WDR59: variants seen among roughly 807,000 people sequenced by gnomAD.
WDR59 encodes GATOR2 complex protein WDR59.
Under a neutral mutation model 131.2 loss-of-function variants are expected in WDR59, and 100 were observed. That is an observed-to-expected ratio of 0.76 (90% CI 0.65 to 0.90). WDR59 has a LOEUF of 0.90. Ranked by LOEUF, WDR59 falls within the 40% of genes least tolerant of loss-of-function variation. The pLI is 0.00. For synonymous variants in WDR59, 601 were observed against 466.2 expected (o/e 1.29, Z -3.72); for missense variants, 1,203 against 1,262.2 (o/e 0.95, Z 0.71).
At chr16:74,925,302 AAGGC>A (rs1289947941) in intron 8 of WDR59, among the ~76,000 whole-genome samples, 2 of 152,106 alleles carry the variant, frequency 1.3e-5, no homozygotes, top group Non-Finnish European at 2.9e-5. Context: ...TTGGGAGGCC[AAGGC>A]AGGCAGGCAG....
chr16:74,926,301 G>A (rs1018169833), intron 8 of WDR59, among the ~76,000 whole-genome samples: 20 of 152,018 alleles, frequency 1.3e-4, no homozygotes, highest in African/African-American at 4.6e-4. Flanking sequence ...CAGGTGATCT[G>A]CCCACCTCGG....
At position 74,872,534 on chromosome 16, in the gene WDR59, T is replaced by A. The variant is rs189728586; in HGVS notation, c.*1675A>T. On this transcript the variant is annotated 3_prime_UTR_variant, in exon 26 of 26. Coordinates refer to ENST00000262144, the MANE Select transcript of WDR59 (RefSeq NM_030581.4). The stretch of plus-strand genomic sequence containing the variant: ...ATGATTGCATCACCACTCTCCAGTC[T>A]GGGTGACAGAGTGAGACCCTGTCTC... The A allele has an allele frequency of 7.4e-5, 11 of 148,216 alleles. No homozygotes were observed. Among genetic ancestry groups the A allele is most frequent in the Admixed American group, 6.1e-4 (9 of 14,706 alleles). 9.2% of individuals were successfully genotyped at this position (148,216 alleles called of 1,614,324 possible). A position where few individuals can be genotyped will look rare whatever the true frequency, so the allele number is the denominator to read the frequency against.
intron 2 of WDR59, among the ~76,000 whole-genome samples, chr16:74,965,165 A>G (rs1377806958): frequency 2.0e-5 from 3 of 152,156 alleles, no homozygotes; most frequent in African/African-American, 7.2e-5. Context: ...TCAGCTTCGC[A>G]AGTAGCTGGG....
intron 18 of WDR59, among the ~76,000 whole-genome samples, chr16:74,901,056 C>T (rs11863300): frequency 0.21 from 32,441 of 152,196 alleles, 3,817 homozygotes; most frequent in Middle Eastern, 0.27. Context: ...AGAGACCGCG[C>T]CTTTGCACTC....
In WDR59 at chr16:74,874,221, T is replaced by A; in HGVS notation, c.2913A>T (p.Glu971Asp). 6.2e-7 allele frequency: 1 copy of A among 1,613,878 alleles called. No individual in the cohort carries two copies. The highest frequency in any genetic ancestry group is 2.2e-5 in the East Asian group (1 of 44,860). The change falls in exon 26 of 26, where the codon GAA (glutamate) becomes GAT (aspartate). Residue 971 changes from glutamate to aspartate, a missense_variant. By Grantham distance (45) the Glu-to-Asp change is conservative. Coordinates refer to ENST00000262144, the MANE Select transcript of WDR59 (RefSeq NM_030581.4). Reference sequence around the variant, plus strand: ...AACTTCTGTAGGTTCAGAAAGTGCTTTCAAGCAGGCAGTGGCACCCACACC... The same window carrying A: ...AACTTCTGTAGGTTCAGAAAGTGCTATCAAGCAGGCAGTGGCACCCACACC... ...PTGCGCHCLL[E>D]STF is the part of the protein sequence containing the mutation.
intron 8 of WDR59, among the ~76,000 whole-genome samples, chr16:74,935,295 G>A (rs754791223): frequency 8.6e-5 from 13 of 152,008 alleles, no homozygotes; most frequent in Middle Eastern, 6.8e-3. Flanking sequence ...CTAGAAGGCA[G>A]CAATTTTGTG....
At chr16:74,981,650 A>AT (rs1567450909) in intron 1 of WDR59, among the ~76,000 whole-genome samples, 2 of 4,914 alleles carry the variant, frequency 4.1e-4, no homozygotes, top group African/African-American at 6.1e-4. Flanking sequence ...ATATATATAT[A>AT]TATATATATA....
chr16:74,950,523 G>T (rs1465497603), intron 4 of WDR59, among the ~76,000 whole-genome samples: 3 of 152,202 alleles, frequency 2.0e-5, no homozygotes. Flanking sequence ...AGAGGCCTGT[G>T]GTGTCCCCTA....
chr16:74,941,607 T>C (rs924759358), intron 7 of WDR59, among the ~76,000 whole-genome samples: 1 of 151,564 alleles, frequency 6.6e-6, no homozygotes, highest in African/African-American at 2.4e-5. Context: ...GGCAGGAGAA[T>C]TGCTTGAACC....
At chr16:74,941,033 A>G (rs2145091986) in intron 7 of WDR59, among the ~76,000 whole-genome samples, 1 of 151,958 alleles carries the variant, frequency 6.6e-6, no homozygotes, top group East Asian at 2.0e-4. Flanking sequence ...CAAACTGAAT[A>G]AAACCAATCA....
At chr16:74,971,624 G>A (rs1206195355) in intron 1 of WDR59, among the ~76,000 whole-genome samples, 2 of 151,482 alleles carry the variant, frequency 1.3e-5, no homozygotes, top group African/African-American at 2.4e-5. Context: ...ATAGAGATGG[G>A]GTTTCACCAT....
intron 8 of WDR59, among the ~76,000 whole-genome samples, chr16:74,929,649 T>C (rs1432696003): frequency 6.6e-6 from 1 of 151,960 alleles, no homozygotes; most frequent in African/African-American, 2.4e-5. Flanking sequence ...AGAATAGAAC[T>C]ATCATATGAT....
intron 7 of WDR59, among the ~76,000 whole-genome samples, chr16:74,939,660 A>C (rs1233400020): frequency 6.6e-6 from 1 of 152,116 alleles, no homozygotes; most frequent in Non-Finnish European, 1.5e-5. Flanking sequence ...AGCATGTATT[A>C]CTTCCATAAT....
intron 4 of WDR59, among the ~76,000 whole-genome samples, chr16:74,950,408 T>C (rs777567775): frequency 1.3e-5 from 2 of 152,164 alleles, no homozygotes; most frequent in Admixed American, 1.3e-4. Context: ...TAAAGTAATC[T>C]TTATCATTTT....
intron 1 of WDR59, among the ~76,000 whole-genome samples, chr16:74,979,334 C>T (rs1439055222): frequency 5.3e-5 from 8 of 151,526 alleles, no homozygotes; most frequent in African/African-American, 1.9e-4. Context: ...GGCATGGTGG[C>T]GGGCGCCTGT....
intron 16 of WDR59, 66 bp from the exon 17 acceptor site, chr16:74,909,043 G>A: frequency 5.8e-6 from 8 of 1,375,154 alleles, no homozygotes; most frequent in South Asian, 1.2e-5. Flanking sequence ...TCCTGAGGCA[G>A]GACTGGCCAG....
chr16:74,901,578 G>C (rs905946206), intron 18 of WDR59, among the ~76,000 whole-genome samples: 2 of 151,786 alleles, frequency 1.3e-5, no homozygotes, highest in Admixed American at 6.6e-5. Flanking sequence ...AGGAGTCTGA[G>C]GTTGCAGTGA....
intron 6 of WDR59, among the ~76,000 whole-genome samples, chr16:74,944,291 C>T (rs1005731162): frequency 2.6e-5 from 4 of 151,964 alleles, no homozygotes; most frequent in South Asian, 2.1e-4. Context: ...CATGGCAAAA[C>T]GCTGTTTCTA....
chr16:74,871,403 C>T lies in WDR59; in HGVS notation c.*2806G>A, dbSNP rs530438963. The T allele has an allele frequency of 1.7e-3, 262 of 152,316 alleles. No homozygotes were observed. The highest frequency in any genetic ancestry group is 6.0e-3 in the African/African-American group (248 of 41,578). 9.4% of individuals were successfully genotyped at this position (152,316 alleles called of 1,614,324 possible). A position where few individuals can be genotyped will look rare whatever the true frequency, so the allele number is the denominator to read the frequency against. On this transcript the variant is annotated 3_prime_UTR_variant, in exon 26 of 26. Coordinates refer to ENST00000262144, the MANE Select transcript of WDR59 (RefSeq NM_030581.4). Reference sequence around the variant, plus strand: ...ATCTATTCTGCGGCTGAGAGAATATCGGCCATGGCCCGCAACCAGACAACC... The same window carrying T: ...ATCTATTCTGCGGCTGAGAGAATATTGGCCATGGCCCGCAACCAGACAACC...
Sources: gnomAD v4.1 joint callset for allele counts (sites outside exome capture counted in the v4.1 genomes callset) on GRCh38, gnomAD v4.1.1 for gene constraint, MANE v1.5 for transcripts, NCBI Gene and HGNC (gene_info 2026-07-23, HGNC 2026-07-21) for gene names.